Variants in ANK2 observed in about 807,000 individuals in gnomAD.
The protein encoded by ANK2 is ankyrin 2, also known as ankyrin-2.
In ANK2, 83 loss-of-function variants were observed where a neutral mutation model predicts 360.5. The ratio of observed to expected loss-of-function variants is 0.23; its 90% CI spans 0.19 to 0.28. ANK2 has a LOEUF of 0.28. Ranked by LOEUF, ANK2 falls within the 10% of genes least tolerant of loss-of-function variation. The probability of loss-of-function intolerance (pLI) is 1.00; values close to 1 mark genes in which losing one functional copy is unlikely to be tolerated. For missense variants in ANK2, 4,201 were observed against 4,795.7 expected, an observed-to-expected ratio of 0.88 and a Z score of 3.66; for synonymous variants, 1,740 against 1,759.5, an observed-to-expected ratio of 0.99 and a Z score of 0.28.
the ANK2 span, among the ~76,000 whole-genome samples, chr4:112,711,269 A>G: frequency 1.3e-5 from 2 of 151,274 alleles, no homozygotes; most frequent in African/African-American, 4.9e-5. Context: ...GTGGTTATTC[A>G]CAGGTGCAGT....
intron 1 of ANK2, among the ~76,000 whole-genome samples, chr4:113,115,527 T>C (rs977451688): frequency 2.0e-5 from 3 of 152,182 alleles, no homozygotes; most frequent in African/African-American, 7.2e-5. Flanking sequence ...GATTAAGTGC[T>C]AGGTTCTCTG....
chr4:113,164,302 C>T (rs989425845), intron 1 of ANK2, among the ~76,000 whole-genome samples: 10 of 152,114 alleles, frequency 6.6e-5, no homozygotes, highest in Non-Finnish European at 1.0e-4. Context: ...AGTGTTTCCA[C>T]GTGCATCTTC....
intron 1 of ANK2, among the ~76,000 whole-genome samples, chr4:112,836,912 C>A (rs1344480112): frequency 6.6e-6 from 1 of 152,126 alleles, no homozygotes; most frequent in Non-Finnish European, 1.5e-5. Flanking sequence ...TGTTGCCTGA[C>A]CATATGGTAG....
At chr4:112,952,994 A>G (rs2095121301) in intron 2 of ANK2, among the ~76,000 whole-genome samples, 1 of 152,220 alleles carries the variant, frequency 6.6e-6, no homozygotes, top group African/African-American at 2.4e-5. Flanking sequence ...CAAAGTACCC[A>G]GGATATGCCA....
At chr4:113,350,385 T>C in intron 37 of ANK2, 136 bp downstream of exon 37, 1 of 719,432 alleles carries the variant, frequency 1.4e-6, no homozygotes, top group East Asian at 2.8e-5. Flanking sequence ...TAATCATTAA[T>C]ATATTTATAA....
intron 2 of ANK2, among the ~76,000 whole-genome samples, chr4:113,018,669 G>A (rs1230921445): frequency 2.6e-5 from 4 of 152,146 alleles, no homozygotes; most frequent in Non-Finnish European, 5.9e-5. Flanking sequence ...ATCCTGCAGA[G>A]GCACAGGAAC....
intron 4 of ANK2, among the ~76,000 whole-genome samples, chr4:113,208,760 C>T (rs2098985561): frequency 6.6e-6 from 1 of 151,856 alleles, no homozygotes; most frequent in African/African-American, 2.4e-5. Flanking sequence ...ACCTCCACCT[C>T]CCAAAGTGCT....
At chr4:113,380,544 C>T (rs1275203267) in intron 45 of ANK2, among the ~76,000 whole-genome samples, 1 of 152,188 alleles carries the variant, frequency 6.6e-6, no homozygotes, top group Non-Finnish European at 1.5e-5. Context: ...CACCTGTAGT[C>T]CCAGCTACTC....
At chr4:113,064,623 A>G (rs2074921176) in intron 1 of ANK2, among the ~76,000 whole-genome samples, 2 of 152,212 alleles carry the variant, frequency 1.3e-5, no homozygotes, top group Admixed American at 6.5e-5. Flanking sequence ...ACGTCAAGAA[A>G]GTCCAAACGA....
At chr4:113,126,316 A>T (rs2095656859) in intron 1 of ANK2, among the ~76,000 whole-genome samples, 1 of 152,232 alleles carries the variant, frequency 6.6e-6, no homozygotes, top group South Asian at 2.1e-4. Flanking sequence ...AAACCTCAGC[A>T]ATTCACAAAC....
chr4:113,073,260 G>C (rs1328006343), intron 1 of ANK2, among the ~76,000 whole-genome samples: 4 of 151,994 alleles, frequency 2.6e-5, no homozygotes, highest in African/African-American at 9.7e-5. Flanking sequence ...CTGGCTGAGG[G>C]ACAGTGTCTT....
At chr4:113,043,262 C>G (rs1386352441) in intron 2 of ANK2, among the ~76,000 whole-genome samples, 1 of 151,986 alleles carries the variant, frequency 6.6e-6, no homozygotes, top group Non-Finnish European at 1.5e-5. Context: ...CTTTAGCTTC[C>G]AAGGAGGTGG....
chr4:113,214,775 A>AT (rs1388721599), intron 4 of ANK2, among the ~76,000 whole-genome samples: 1 of 152,098 alleles, frequency 6.6e-6, no homozygotes, highest in African/African-American at 2.4e-5. Flanking sequence ...CTTCAACTAT[A>AT]TTTTTTATTC....
chr4:113,373,985 C>T (rs1026581793), intron 45 of ANK2, among the ~76,000 whole-genome samples: 3 of 152,202 alleles, frequency 2.0e-5, no homozygotes, highest in Non-Finnish European at 2.9e-5. Flanking sequence ...AGAGCAGTGG[C>T]GTGATCTGAG....
chr4:113,070,661 G>A (rs1023036455), intron 1 of ANK2, among the ~76,000 whole-genome samples: 9 of 151,854 alleles, frequency 5.9e-5, no homozygotes, highest in African/African-American at 9.7e-5. Context: ...TCTTTATTTT[G>A]TTGGGTAGCA....
At chr4:113,322,021 C>A (rs187074595) in intron 26 of ANK2, among the ~76,000 whole-genome samples, 1 of 152,058 alleles carries the variant, frequency 6.6e-6, no homozygotes, top group African/African-American at 2.4e-5. Context: ...CGTGAACCAC[C>A]GTGCCCAGCC....
Position 113,322,264 on chromosome 4 carries a change from T to C in ANK2, c.2900+3644T>C, listed in dbSNP as rs182408028. Among the ~76,000 whole-genome samples the C allele has an allele frequency of 1.8e-4, 28 of 152,308 alleles. No homozygotes were observed. In the South Asian group the frequency reaches 4.3e-3, roughly 24 times the overall value. On this transcript the variant is annotated intron_variant, in intron 26 of 45. Coordinates refer to ENST00000357077, the MANE Select transcript of ANK2 (RefSeq NM_001148.6). ...GGTATCAGTGATTAAAAAATCAGTATCAGTGATTAAAAAATCAGTATCAGT... is the reference window on the plus strand; with the variant it reads ...GGTATCAGTGATTAAAAAATCAGTACCAGTGATTAAAAAATCAGTATCAGT...
chr4:112,733,669 T>A, the ANK2 span, among the ~76,000 whole-genome samples: 1 of 152,318 alleles, frequency 6.6e-6, no homozygotes, highest in Non-Finnish European at 1.5e-5. Flanking sequence ...AATTCAACAA[T>A]TCAACTTTGA....
rs188869441 is a variant in ANK2, at chr4:112,890,690, C to T, written c.-39-13765C>T. Among the ~76,000 whole-genome samples, 1,229 of 151,328 alleles carry T rather than the reference C, an allele frequency of 8.1e-3. 12 individuals are homozygous for T. Among genetic ancestry groups the T allele is most frequent in the African/African-American group, 0.028 (1,155 of 41,252 alleles). Reference sequence around the variant, plus strand: ...TCAAGCTATTCTCCTGCCTCAGCCTCCCTAGTAGCTGGGATTACAGGCATG... The same window carrying T: ...TCAAGCTATTCTCCTGCCTCAGCCTTCCTAGTAGCTGGGATTACAGGCATG... On this transcript the variant is annotated intron_variant, in intron 1 of 30. Coordinates refer to the ANK2 transcript ENST00000503271.
Sources: gnomAD v4.1 joint callset for allele counts (sites outside exome capture counted in the v4.1 genomes callset) on GRCh38, gnomAD v4.1.1 for gene constraint, MANE v1.5 for transcripts, NCBI Gene and HGNC (gene_info 2026-07-23, HGNC 2026-07-21) for gene names.